The following RBFOX1 variants were observed in gnomAD, a reference collection of about 807,000 sequenced individuals.
The protein encoded by RBFOX1 is RNA binding fox-1 homolog 1.
Under a neutral mutation model 57.7 loss-of-function variants are expected in RBFOX1, and 8 were observed. That is an observed-to-expected ratio of 0.14 (90% confidence interval 0.08 to 0.25). The LOEUF (loss-of-function observed/expected upper bound fraction) is 0.25, where lower values mean the gene tolerates loss of function less well. RBFOX1 is among the 10% of genes least tolerant of loss of function. The pLI is 1.00. For missense variants in RBFOX1, 611 were observed against 548.5 expected, an observed-to-expected ratio of 1.11 and a Z score of -1.14; for synonymous variants, 326 against 222.4, an observed-to-expected ratio of 1.47 and a Z score of -4.15.
At chr16:7,360,906 C>G (rs2097307896) in intron 4 of RBFOX1, among the ~76,000 whole-genome samples, 1 of 152,180 alleles carries the variant, frequency 6.6e-6, no homozygotes. Context: ...TGAATGTATC[C>G]TTATCCTTGG....
At chr16:5,553,591 G>A (rs1245560805) in intron 2 of RBFOX1, among the ~76,000 whole-genome samples, 5 of 151,274 alleles carry the variant, frequency 3.3e-5, no homozygotes, top group Non-Finnish European at 5.9e-5. Flanking sequence ...CTGGGATTAT[G>A]GGCGTGAGCC....
chr16:7,543,435 G>A (rs990112773), intron 5 of RBFOX1, among the ~76,000 whole-genome samples: 1 of 152,148 alleles, frequency 6.6e-6, no homozygotes, highest in African/African-American at 2.4e-5. Context: ...GACTGGGTGG[G>A]TTCTAGGCAC....
At chr16:6,295,369 C>G (rs1241150517) in intron 1 of RBFOX1, among the ~76,000 whole-genome samples, 1 of 152,074 alleles carries the variant, frequency 6.6e-6, no homozygotes, top group Non-Finnish European at 1.5e-5. Flanking sequence ...TGTGATCTGT[C>G]CACCTTGGCC....
intron 4 of RBFOX1, among the ~76,000 whole-genome samples, chr16:7,512,090 C>T (rs915356204): frequency 6.6e-6 from 1 of 152,184 alleles, no homozygotes; most frequent in African/African-American, 2.4e-5. Flanking sequence ...TCTCTCTGAT[C>T]ATTCCACTTA....
intron 1 of RBFOX1, among the ~76,000 whole-genome samples, chr16:5,345,152 C>T (rs542843677): frequency 3.9e-5 from 6 of 152,212 alleles, no homozygotes; most frequent in Admixed American, 2.0e-4. Context: ...ACTGCTTGTC[C>T]TTGAAGCGAG....
intron 3 of RBFOX1, among the ~76,000 whole-genome samples, chr16:7,014,562 G>T (rs939976552): frequency 6.6e-6 from 1 of 151,970 alleles, no homozygotes; most frequent in East Asian, 1.9e-4. Context: ...GTGAGACACT[G>T]CACCCCGTCT....
chr16:7,664,783 A>C (rs2068745089), intron 12 of RBFOX1, 146 bp from the exon 13 acceptor site: 1 of 1,460,020 alleles, frequency 6.8e-7, no homozygotes, highest in African/African-American at 1.4e-5. Flanking sequence ...GTTGTCTCCA[A>C]CCTCCTTAAT....
At chr16:6,585,609 G>C (rs1428380118) in intron 2 of RBFOX1, among the ~76,000 whole-genome samples, 1 of 152,032 alleles carries the variant, frequency 6.6e-6, no homozygotes, top group Admixed American at 6.6e-5. Context: ...TTGTGATAGT[G>C]CTGTGTTGCT....
At chr16:7,136,892 G>A (rs1377412451) in intron 4 of RBFOX1, among the ~76,000 whole-genome samples, 3 of 152,270 alleles carry the variant, frequency 2.0e-5, no homozygotes, top group East Asian at 3.9e-4. Context: ...TGCATGCCTG[G>A]GCAGGAAGGA....
intron 4 of RBFOX1, among the ~76,000 whole-genome samples, chr16:5,985,717 A>T (rs896452602): frequency 3.3e-5 from 5 of 152,096 alleles, no homozygotes; most frequent in Non-Finnish European, 7.3e-5. Flanking sequence ...TTGCACACGC[A>T]TGGTACCTGG....
chr16:5,249,043 GC>G, intron 1 of RBFOX1, among the ~76,000 whole-genome samples: 1 of 151,408 alleles, frequency 6.6e-6, no homozygotes, highest in Admixed American at 6.6e-5. Context: ...AGAGAAGGGG[GC>G]TGTGGGGCAG....
At chr16:5,320,466 C>T (rs1487829526) in intron 1 of RBFOX1, among the ~76,000 whole-genome samples, 1 of 152,092 alleles carries the variant, frequency 6.6e-6, no homozygotes, top group African/African-American at 2.4e-5. Flanking sequence ...AGAACAAGAC[C>T]CTCGAAGGAC....
chr16:5,943,965 A>AC (rs61534401), intron 4 of RBFOX1, among the ~76,000 whole-genome samples: 11,973 of 135,966 alleles, frequency 0.088, 719 homozygotes, highest in African/African-American at 0.2. Context: ...CCATCCATCC[A>AC]CCCCCCCACC....
chr16:7,037,715 G>A (rs994287099), intron 3 of RBFOX1, among the ~76,000 whole-genome samples: 1 of 152,184 alleles, frequency 6.6e-6, no homozygotes, highest in Non-Finnish European at 1.5e-5. Flanking sequence ...GGTAGACCCA[G>A]GCAAGGAATT....
intron 2 of RBFOX1, among the ~76,000 whole-genome samples, chr16:6,467,213 T>A (rs1788396989): frequency 6.6e-6 from 1 of 151,312 alleles, no homozygotes; most frequent in South Asian, 2.1e-4. Flanking sequence ...GCAGTTAATG[T>A]AATATAATAA....
intron 4 of RBFOX1, among the ~76,000 whole-genome samples, chr16:7,231,907 T>A (rs1339699790): frequency 6.6e-6 from 1 of 151,990 alleles, no homozygotes; most frequent in African/African-American, 2.4e-5. Flanking sequence ...GAGGAAGGGG[T>A]TGGGGAATAA....
intron 1 of RBFOX1, among the ~76,000 whole-genome samples, chr16:6,257,034 G>T (rs953801953): frequency 1.3e-5 from 2 of 152,162 alleles, no homozygotes; most frequent in Non-Finnish European, 2.9e-5. Context: ...ACTGGTTGGA[G>T]TATTTAGCAG....
chr16:6,267,711 C>A (rs1052035183), intron 1 of RBFOX1, among the ~76,000 whole-genome samples: 1 of 152,136 alleles, frequency 6.6e-6, no homozygotes, highest in Admixed American at 6.5e-5. Context: ...GTTTTTTTCC[C>A]TTTTTCCCAT....
chr16:7,025,988 A>G (rs1300948268), intron 3 of RBFOX1, among the ~76,000 whole-genome samples: 1 of 152,132 alleles, frequency 6.6e-6, no homozygotes, highest in African/African-American at 2.4e-5. Flanking sequence ...GTATCTGTAG[A>G]CTGGTCATAC....
Sources: allele counts gnomAD v4.1 joint callset (sites outside exome capture counted in the v4.1 genomes callset), GRCh38; gene constraint gnomAD v4.1.1; transcripts MANE v1.5; gene names NCBI Gene and HGNC (gene_info 2026-07-23, HGNC 2026-07-21).